NRXN3: variants seen among roughly 807,000 people sequenced by gnomAD.
The protein encoded by NRXN3 is neurexin 3, also known as neurexin III.
A neutral mutation model predicts 137.6 loss-of-function variants in NRXN3; 32 were observed. The ratio of observed to expected loss-of-function variants is 0.23; its 90% CI spans 0.18 to 0.31. The LOEUF is 0.31. Ranked by LOEUF, NRXN3 falls within the 10% of genes least tolerant of loss-of-function variation. NRXN3 has a pLI of 1.00. For missense variants in NRXN3, 1,574 were observed against 2,062.5 expected, an observed-to-expected ratio of 0.76 and a Z score of 4.59; for synonymous variants, 798 against 784.5, an observed-to-expected ratio of 1.02 and a Z score of -0.29.
intron 4 of NRXN3, among the ~76,000 whole-genome samples, chr14:78,342,132 G>T (rs1296044646): frequency 6.6e-6 from 1 of 152,222 alleles, no homozygotes; most frequent in African/African-American, 2.4e-5. Flanking sequence ...AACCAGGACA[G>T]TTCCAGGCAA....
chr14:78,740,528 T>C (rs1190202016), intron 8 of NRXN3, among the ~76,000 whole-genome samples: 1 of 144,664 alleles, frequency 6.9e-6, no homozygotes, highest in African/African-American at 2.4e-5. Context: ...GCAATTTTTT[T>C]CTTCTCTTTT....
intron 15 of NRXN3, among the ~76,000 whole-genome samples, chr14:79,139,561 T>A (rs2370927): frequency 0.98 from 149,713 of 152,260 alleles, 73,654 homozygotes; most frequent in Middle Eastern, 1. Flanking sequence ...CACAGATATC[T>A]AATGAATATC....
At chr14:79,404,437 T>A (rs1340740906) in intron 15 of NRXN3, among the ~76,000 whole-genome samples, 1 of 152,140 alleles carries the variant, frequency 6.6e-6, no homozygotes, top group Non-Finnish European at 1.5e-5. Flanking sequence ...CCAGAGCTAC[T>A]GGTTATTAGT....
chr14:78,218,236 A>G (rs2063492279), intron 1 of NRXN3, among the ~76,000 whole-genome samples: 1 of 151,970 alleles, frequency 6.6e-6, no homozygotes, highest in African/African-American at 2.4e-5. Flanking sequence ...GCACACCTGT[A>G]GTCTTAGCTA....
At chr14:79,532,632 G>A (rs572976266) in intron 16 of NRXN3, among the ~76,000 whole-genome samples, 4 of 152,202 alleles carry the variant, frequency 2.6e-5, no homozygotes, top group Non-Finnish European at 4.4e-5. Context: ...TCCATGATGC[G>A]AAAAAGTTAG....
At chr14:78,906,543 T>G (rs113427586) in intron 10 of NRXN3, among the ~76,000 whole-genome samples, 3,751 of 152,184 alleles carry the variant, frequency 0.025, 86 homozygotes, top group Middle Eastern at 0.054. Context: ...CTTATTTCAC[T>G]CCCACATCCA....
chr14:78,655,920 T>C (rs1243365835), intron 6 of NRXN3, among the ~76,000 whole-genome samples: 2 of 152,120 alleles, frequency 1.3e-5, no homozygotes, highest in African/African-American at 4.8e-5. Context: ...TCTTATTGTG[T>C]TCTCACATGG....
chr14:79,640,292 G>A (rs2098426012), intron 16 of NRXN3, among the ~76,000 whole-genome samples: 1 of 135,274 alleles, frequency 7.4e-6, no homozygotes, highest in Admixed American at 7.8e-5. Flanking sequence ...AATGAATGAA[G>A]CTGTTTCTAT....
intron 4 of NRXN3, among the ~76,000 whole-genome samples, chr14:78,457,997 A>G (rs2094800672): frequency 6.6e-6 from 1 of 152,118 alleles, no homozygotes. Flanking sequence ...GACCTTATCT[A>G]GGGCTGCTGG....
chr14:79,410,517 G>A (rs1318882227), intron 15 of NRXN3, among the ~76,000 whole-genome samples: 1 of 151,228 alleles, frequency 6.6e-6, no homozygotes, highest in Admixed American at 6.6e-5. Context: ...TCTTTTCCAG[G>A]AATGGCCAAA....
chr14:78,406,026 A>G (rs1233812455), intron 4 of NRXN3, among the ~76,000 whole-genome samples: 1 of 152,218 alleles, frequency 6.6e-6, no homozygotes, highest in African/African-American at 2.4e-5. Flanking sequence ...ATGAATCATG[A>G]GGGAAACTGT....
chr14:78,586,382 G>T (rs1237358468), intron 4 of NRXN3, among the ~76,000 whole-genome samples: 1 of 152,190 alleles, frequency 6.6e-6, no homozygotes, highest in African/African-American at 2.4e-5. Context: ...TGGTGCCAGG[G>T]TTTGAACACA....
intron 10 of NRXN3, among the ~76,000 whole-genome samples, chr14:78,871,776 A>G (rs977259562): frequency 5.3e-5 from 8 of 152,028 alleles, no homozygotes; most frequent in African/African-American, 1.9e-4. Flanking sequence ...TTTTATTGTT[A>G]GTTAGGTTTA....
intron 16 of NRXN3, among the ~76,000 whole-genome samples, chr14:79,499,313 T>A (rs1165131706): frequency 6.6e-6 from 1 of 152,206 alleles, no homozygotes; most frequent in Non-Finnish European, 1.5e-5. Flanking sequence ...AGCTTTGAGC[T>A]TTTCTCTGTC....
intron 11 of NRXN3, among the ~76,000 whole-genome samples, chr14:78,960,168 C>A (rs2099405289): frequency 6.6e-6 from 1 of 152,040 alleles, no homozygotes. Context: ...AGACGTGTCC[C>A]CCCAACCCCC....
chr14:79,322,848 A>T (rs1409612695), intron 15 of NRXN3, among the ~76,000 whole-genome samples: 3 of 152,196 alleles, frequency 2.0e-5, no homozygotes, highest in African/African-American at 7.2e-5. Context: ...AAAGGGTATG[A>T]TACTTTGGCA....
At chr14:79,443,346 T>G (rs1184197631) in intron 15 of NRXN3, among the ~76,000 whole-genome samples, 1 of 152,246 alleles carries the variant, frequency 6.6e-6, no homozygotes, top group Admixed American at 6.5e-5. Flanking sequence ...TTCTCTTTTT[T>G]TTCCTGTGTC....
intron 19 of NRXN3, among the ~76,000 whole-genome samples, chr14:79,803,963 A>G (rs541945511): frequency 6.2e-5 from 9 of 146,140 alleles, no homozygotes; most frequent in African/African-American, 2.3e-4. Flanking sequence ...ATATACATAT[A>G]TATGTATGTA....
At chr14:79,195,775 ATCC>A (rs2065047067) in intron 15 of NRXN3, among the ~76,000 whole-genome samples, 1 of 152,236 alleles carries the variant, frequency 6.6e-6, no homozygotes, top group South Asian at 2.1e-4. Flanking sequence ...AATCGATGAT[ATCC>A]TCCTATAAAT....
Sources: allele counts gnomAD v4.1 joint callset (sites outside exome capture counted in the v4.1 genomes callset), GRCh38; gene constraint gnomAD v4.1.1; transcripts MANE v1.5; gene names NCBI Gene and HGNC (gene_info 2026-07-23, HGNC 2026-07-21).